Variants in RYR2 observed in about 807,000 individuals in gnomAD.
RYR2 encodes the protein cardiac muscle ryanodine receptor-calcium release channel.
In RYR2, 227 loss-of-function variants were observed where a neutral mutation model predicts 601.1. The ratio of observed to expected loss-of-function variants is 0.38; its 90% confidence interval spans 0.34 to 0.42. The LOEUF is 0.42. RYR2 is among the 10% of genes least tolerant of loss of function. The probability of loss-of-function intolerance (pLI) is 1.00; values close to 1 mark genes in which losing one functional copy is unlikely to be tolerated. For synonymous variants in RYR2, 2,223 were observed against 2,175.1 expected (o/e 1.02, Z -0.61); for missense variants, 4,646 against 6,156.5 (o/e 0.75, Z 8.21).
intron 17 of RYR2, among the ~76,000 whole-genome samples, chr1:237,482,335 A>T (rs1662205411): frequency 6.6e-6 from 1 of 151,996 alleles, no homozygotes; most frequent in Admixed American, 6.6e-5. Context: ...AACCATCCCT[A>T]CATTCCTCTA....
At chr1:237,216,729 C>T (rs1466354390) in intron 1 of RYR2, among the ~76,000 whole-genome samples, 2 of 150,322 alleles carry the variant, frequency 1.3e-5, no homozygotes, top group Admixed American at 1.3e-4. Flanking sequence ...CGGTAAGACT[C>T]CTTTTCTTAA....
intron 28 of RYR2, among the ~76,000 whole-genome samples, chr1:237,567,628 A>T (rs1391718421): frequency 1.3e-5 from 2 of 152,094 alleles, no homozygotes; most frequent in South Asian, 4.2e-4. Flanking sequence ...CAAGGTATAT[A>T]TGCTTATAGC....
chr1:237,686,951 G>A (rs748172249), intron 62 of RYR2, among the ~76,000 whole-genome samples: 1 of 152,146 alleles, frequency 6.6e-6, no homozygotes, highest in Non-Finnish European at 1.5e-5. Flanking sequence ...GGTTGGGGAC[G>A]AAGGAGATTT....
chr1:237,829,978 T>C (rs1469512427), intron 102 of RYR2: 2 of 152,452 alleles, frequency 1.3e-5, no homozygotes, highest in African/African-American at 4.8e-5. Context: ...TGTTCTCCAT[T>C]CACATCCACT....
chr1:237,152,480 A>G (rs564896483), intron 1 of RYR2, among the ~76,000 whole-genome samples: 1 of 152,170 alleles, frequency 6.6e-6, no homozygotes, highest in African/African-American at 2.4e-5. Flanking sequence ...ACAGTGTAAA[A>G]GTGCTCTTAT....
intron 3 of RYR2, among the ~76,000 whole-genome samples, chr1:237,350,869 C>A (rs1571932373): frequency 6.6e-6 from 1 of 151,454 alleles, no homozygotes; most frequent in Non-Finnish European, 1.5e-5. Flanking sequence ...AATAATCAGG[C>A]AAATAAATGA....
At chr1:237,703,855 A>G (rs1039642721) in intron 66 of RYR2, among the ~76,000 whole-genome samples, 17 of 151,814 alleles carry the variant, frequency 1.1e-4, no homozygotes, top group African/African-American at 4.1e-4. Context: ...TTATAATCCT[A>G]TTGTTTGTAT....
intron 19 of RYR2, among the ~76,000 whole-genome samples, chr1:237,493,947 T>C (rs753521713): frequency 2.6e-5 from 4 of 152,202 alleles, no homozygotes; most frequent in Non-Finnish European, 5.9e-5. Flanking sequence ...TTTGTGTCTG[T>C]GCTTTCCTAG....
intron 19 of RYR2, among the ~76,000 whole-genome samples, chr1:237,495,608 T>G (rs1663988665): frequency 6.6e-6 from 1 of 152,226 alleles, no homozygotes; most frequent in South Asian, 2.1e-4. Context: ...GAGACCTTCA[T>G]TCATTTCTAC....
Position 237,816,438 on chromosome 1 carries a change from C to A in RYR2, c.14434-2598C>A, listed in dbSNP as rs572718390. Among the ~76,000 whole-genome samples the A allele has an allele frequency of 2.0e-5, 3 of 152,254 alleles. No homozygotes were observed. The South Asian group carries it at 6.2e-4, about 32-fold the overall frequency. Reference sequence around the variant, plus strand: ...GGTGACTCAACGCCAGTAATCCCAGCAGTTTGGGAGGCCGAGGCGGGCGGA... The same window carrying A: ...GGTGACTCAACGCCAGTAATCCCAGAAGTTTGGGAGGCCGAGGCGGGCGGA... On this transcript the variant is annotated intron_variant, in intron 100 of 104. Transcript: ENST00000366574.
rs975138174 is a variant in RYR2, at chr1:237,591,682, T to C, written c.4161-57T>C. On this transcript the variant is annotated intron_variant, in intron 31 of 104. Transcript: ENST00000366574. Reference sequence around the variant, plus strand: ...AACTCAATTGATTATATGCTCATATTTGAAGTAGACAGAACATTTTAATGT... The same window carrying C: ...AACTCAATTGATTATATGCTCATATCTGAAGTAGACAGAACATTTTAATGT... 1.0e-5 allele frequency: 14 copies of C among 1,396,058 alleles called. No homozygotes were observed. In the African/African-American group the frequency reaches 1.4e-4, roughly 14 times the overall value. The allele number at this position is 1,396,058 out of a possible 1,614,324, so 86.5% of individuals were successfully genotyped here. A position where few individuals can be genotyped will look rare whatever the true frequency, so the allele number is the denominator to read the frequency against.
intron 27 of RYR2, among the ~76,000 whole-genome samples, chr1:237,562,956 G>A (rs1380079189): frequency 1.3e-5 from 2 of 152,078 alleles, no homozygotes; most frequent in South Asian, 2.1e-4. Flanking sequence ...ATACTACAAG[G>A]TATGCAAAAT....
intron 3 of RYR2, among the ~76,000 whole-genome samples, chr1:237,344,123 C>T (rs1698082737): frequency 6.6e-6 from 1 of 152,104 alleles, no homozygotes; most frequent in Non-Finnish European, 1.5e-5. Context: ...ACGCCTGGCC[C>T]CCATAAGGGG....
chr1:237,631,256 A>G (rs1190333486), intron 41 of RYR2, among the ~76,000 whole-genome samples, 171 bp from the exon 42 acceptor site: 2 of 152,188 alleles, frequency 1.3e-5, no homozygotes, highest in Admixed American at 1.3e-4. Flanking sequence ...TAAATTATCA[A>G]TATTTTTGAG....
intron 1 of RYR2, among the ~76,000 whole-genome samples, chr1:237,130,148 T>C (rs1420523068): frequency 1.3e-5 from 2 of 152,182 alleles, no homozygotes; most frequent in African/African-American, 4.8e-5. Flanking sequence ...TGTTAATTAG[T>C]TTGAGTTAAT....
chr1:237,049,919 T>A (rs1048192157), intron 1 of RYR2, among the ~76,000 whole-genome samples: 1 of 152,204 alleles, frequency 6.6e-6, no homozygotes, highest in Admixed American at 6.5e-5. Context: ...TCTCCCTGGC[T>A]GGTGAAGAAG....
At chr1:237,366,713 A>G (rs201218246) in intron 5 of RYR2, among the ~76,000 whole-genome samples, 1 of 74,240 alleles carries the variant, frequency 1.3e-5, no homozygotes, top group South Asian at 2.8e-4. Flanking sequence ...CACACACTGT[A>G]TATATATATA....
intron 88 of RYR2, among the ~76,000 whole-genome samples, chr1:237,779,084 T>G (rs1451355758): frequency 2.6e-5 from 4 of 152,212 alleles, no homozygotes; most frequent in African/African-American, 4.8e-5. Flanking sequence ...TTCATCTTCC[T>G]GGCCATTGCT....
chr1:237,511,289 T>A (rs1665866187), intron 23 of RYR2, among the ~76,000 whole-genome samples: 1 of 130,582 alleles, frequency 7.7e-6, no homozygotes, highest in African/African-American at 3.0e-5. Flanking sequence ...TTAGAAGGTG[T>A]ATGGACCAAA....
Sources: allele counts gnomAD v4.1 joint callset (sites outside exome capture counted in the v4.1 genomes callset), GRCh38; gene constraint gnomAD v4.1.1; transcripts MANE v1.5; gene names NCBI Gene and HGNC (gene_info 2026-07-23, HGNC 2026-07-21).